The following VAV2 variants were observed in gnomAD, a reference collection of about 807,000 sequenced individuals.
VAV2 encodes guanine nucleotide exchange factor VAV2.
VAV2 carries 67 observed loss-of-function variants against 132.5 expected under a neutral mutation model. The ratio of observed to expected loss-of-function variants is 0.51; its 90% CI spans 0.42 to 0.62. The LOEUF is 0.62. Ranked by LOEUF, VAV2 falls within the 20% of genes least tolerant of loss-of-function variation. The probability of loss-of-function intolerance (pLI) is 0.00; values close to 1 mark genes in which losing one functional copy is unlikely to be tolerated. For synonymous variants in VAV2, 492 were observed against 443.5 expected (o/e 1.11, Z -1.37); for missense variants, 938 against 1,153.6 (o/e 0.81, Z 2.71).
intron 3 of VAV2, among the ~76,000 whole-genome samples, chr9:133,844,605 C>T (rs1836858079): frequency 6.6e-6 from 1 of 152,248 alleles, no homozygotes; most frequent in Non-Finnish European, 1.5e-5. Flanking sequence ...AAACCCAAAG[C>T]TACACACACT....
chr9:133,895,731 G>C (rs1396176336), intron 2 of VAV2, among the ~76,000 whole-genome samples: 1 of 152,186 alleles, frequency 6.6e-6, no homozygotes, highest in Non-Finnish European at 1.5e-5. Context: ...TGGATACATG[G>C]CCTTGTGAAT....
intron 1 of VAV2, among the ~76,000 whole-genome samples, chr9:133,964,061 A>G (rs1446619032): frequency 1.5e-5 from 2 of 135,040 alleles, no homozygotes; most frequent in African/African-American, 2.9e-5. Flanking sequence ...ATATATATAC[A>G]TATATATAAA....
In VAV2 at chr9:133,857,908, G is replaced by A. The variant is rs1483986572; in HGVS notation, c.380+3466C>T. Among the ~76,000 whole-genome samples, 4 of 152,206 alleles carry A rather than the reference G, an allele frequency of 2.6e-5. No individual in the cohort carries two copies. Among genetic ancestry groups the A allele is most frequent in the East Asian group, 1.9e-4 (1 of 5,198 alleles). ...GAGAAGGGCAGGAAAGCCAGGCCCC[G>A]GGGAGGAGGGCCTGCAGAGGTCTTC... is the stretch of plus-strand genomic sequence containing the variant. On this transcript the variant is annotated intron_variant, in intron 3 of 29. Coordinates refer to ENST00000371850, the MANE Select transcript of VAV2 (RefSeq NM_001134398.2). This position sits in a 1 kb window ranked among gnomAD's most constrained non-coding sequence, Gnocchi z 4.0.
intron 1 of VAV2, among the ~76,000 whole-genome samples, chr9:133,948,769 G>A (rs1265256163): frequency 6.6e-6 from 1 of 152,262 alleles, no homozygotes; most frequent in African/African-American, 2.4e-5. Context: ...GCCTGGCGCA[G>A]CACGAAGCCC....
intron 5 of VAV2, 104 bp downstream of exon 5, chr9:133,812,010 C>T (rs373648698): frequency 2.8e-5 from 33 of 1,190,904 alleles, no homozygotes; most frequent in South Asian, 2.1e-4. Context: ...AGCTCCCCTT[C>T]GGTGGCTCAG....
rs1305518607 is a variant in VAV2 at position 133,918,574 on chromosome 9, C to T, written c.321+20529G>A. ...CATTCGTTCCTGCCTCACAACTCCACGTGGCTGATACTGTTATGTCCATTT... is the reference window on the plus strand; with the variant it reads ...CATTCGTTCCTGCCTCACAACTCCATGTGGCTGATACTGTTATGTCCATTT... On this transcript the variant is annotated intron_variant, in intron 2 of 29. Coordinates refer to ENST00000371850, the MANE Select transcript of VAV2 (RefSeq NM_001134398.2). The surrounding 1 kb of genome is among the most constrained non-coding windows in gnomAD (Gnocchi z 4.7). 6.6e-6 allele frequency among the ~76,000 whole-genome samples: 1 copy of T among 151,590 alleles called. No homozygotes were observed. Among genetic ancestry groups the T allele is most frequent in the South Asian group, 2.1e-4 (1 of 4,768 alleles).
chr9:133,975,909 C>G (rs1172093493), intron 1 of VAV2, among the ~76,000 whole-genome samples: 4 of 152,090 alleles, frequency 2.6e-5, no homozygotes, highest in African/African-American at 9.7e-5. Context: ...TTTAAAAATG[C>G]TATGTTGGCC....
intron 4 of VAV2, among the ~76,000 whole-genome samples, chr9:133,812,889 C>G (rs1020131347): frequency 6.6e-6 from 1 of 152,240 alleles, no homozygotes; most frequent in Non-Finnish European, 1.5e-5. Flanking sequence ...CCACCAGGAT[C>G]CCCACTTGGT....
chr9:133,886,886 G>A (rs1392438685), intron 2 of VAV2, among the ~76,000 whole-genome samples: 1 of 152,234 alleles, frequency 6.6e-6, no homozygotes, highest in Non-Finnish European at 1.5e-5. Flanking sequence ...AGGTGGACAG[G>A]AAAAGGTGTG....
intron 1 of VAV2, among the ~76,000 whole-genome samples, chr9:133,963,824 T>C (rs546634627): frequency 2.1e-4 from 32 of 152,034 alleles, no homozygotes; most frequent in Admixed American, 9.2e-4. Context: ...AGGAAAACTA[T>C]GTCATCTTGG....
intron 2 of VAV2, among the ~76,000 whole-genome samples, chr9:133,862,779 G>A (rs559815557): frequency 4.6e-4 from 70 of 152,328 alleles, no homozygotes; most frequent in African/African-American, 1.6e-3. Context: ...ACCGAGGATC[G>A]GTCACTTGCC....
chr9:133,971,404 C>T (rs1458599467), intron 1 of VAV2, among the ~76,000 whole-genome samples: 2 of 152,156 alleles, frequency 1.3e-5, no homozygotes. Flanking sequence ...ACATGTTCTA[C>T]GCCAATGACT....
At chr9:133,777,115 A>G (rs573764270) in intron 23 of VAV2, among the ~76,000 whole-genome samples, 24 of 152,208 alleles carry the variant, frequency 1.6e-4, no homozygotes, top group African/African-American at 5.5e-4. Context: ...TCACCCCATT[A>G]CAGCTGCTGC....
chr9:133,884,669 A>AG lies in VAV2; in HGVS notation c.322-23238dup, dbSNP rs1371996158. ...TGCTTCAATAAGAAGCTTGCTAAAA[A>AG]GAAAAACAAAAAAAAACACCTCTGG... On this transcript the variant is annotated intron_variant, in intron 2 of 29. Transcript: ENST00000371850. The surrounding 1 kb of genome is among the most constrained non-coding windows in gnomAD (Gnocchi z 5.3). 6.6e-6 allele frequency among the ~76,000 whole-genome samples: 1 copy of AG among 152,114 alleles called. No individual in the cohort carries two copies. The highest frequency in any genetic ancestry group is 1.5e-5 in the Non-Finnish European group (1 of 68,034).
intron 24 of VAV2, 69 bp downstream of exon 24, chr9:133,775,959 C>A: frequency 1.3e-6 from 2 of 1,536,852 alleles, no homozygotes; most frequent in Non-Finnish European, 1.8e-6. Context: ...ACCACCCAGA[C>A]CCGGCGGGCA....
chr9:133,796,799 C>A (rs1440759578), intron 10 of VAV2, among the ~76,000 whole-genome samples: 2 of 152,234 alleles, frequency 1.3e-5, no homozygotes, highest in East Asian at 3.8e-4. Flanking sequence ...TCTCGGGGCG[C>A]CTGCTGGGCC....
chr9:133,789,125 A>C (rs539525587), intron 14 of VAV2, 133 bp downstream of exon 14: 46 of 978,166 alleles, frequency 4.7e-5, no homozygotes, highest in East Asian at 1.2e-4. Flanking sequence ...AAACTGAACA[A>C]CACAAAGCCA....
At chr9:133,934,238 T>C (rs967306960) in intron 2 of VAV2, among the ~76,000 whole-genome samples, 3 of 152,068 alleles carry the variant, frequency 2.0e-5, no homozygotes, top group Admixed American at 6.5e-5. Flanking sequence ...GGCAGCTGTT[T>C]AGAAAATGAA....
chr9:133,798,419 G>GC (rs2131640928), intron 9 of VAV2, among the ~76,000 whole-genome samples: 1 of 152,284 alleles, frequency 6.6e-6, no homozygotes, highest in Non-Finnish European at 1.5e-5. Context: ...CTCGTGTCCT[G>GC]CCCACCGCCT....
Sources: allele counts gnomAD v4.1 joint callset (sites outside exome capture counted in the v4.1 genomes callset), GRCh38; gene constraint gnomAD v4.1.1; non-coding constraint Gnocchi (gnomAD v3.1); transcripts MANE v1.5; gene names NCBI Gene and HGNC (gene_info 2026-07-23, HGNC 2026-07-21).